The following NPY4R variants were observed in gnomAD, a reference collection of about 807,000 sequenced individuals.
NPY4R encodes neuropeptide Y receptor Y4.
A neutral mutation model predicts 11.9 loss-of-function variants in NPY4R; 2 were observed. The ratio of observed to expected loss-of-function variants is 0.17; its 90% confidence interval spans 0.07 to 0.53. The LOEUF (loss-of-function observed/expected upper bound fraction) is 0.53, where lower values mean the gene tolerates loss of function less well. NPY4R is among the 20% of genes least tolerant of loss of function. The probability of loss-of-function intolerance (pLI) is 0.94; values close to 1 mark genes in which losing one functional copy is unlikely to be tolerated. For synonymous variants in NPY4R, 8 were observed against 121.7 expected (o/e 0.07, Z 6.15); for missense variants, 26 against 280.2 (o/e 0.09, Z 6.48).
At chr10:46,464,381 A>AG (rs1840951272) in intron 1 of NPY4R, among the ~76,000 whole-genome samples, 1 of 109,712 alleles carries the variant, frequency 9.1e-6, no homozygotes, top group Admixed American at 8.4e-5. Flanking sequence ...AAAAAAAAAA[A>AG]AGAGTCTCAT....
intron 1 of NPY4R, among the ~76,000 whole-genome samples, chr10:46,464,120 G>A (rs1302079821): frequency 2.0e-5 from 3 of 151,336 alleles, no homozygotes; most frequent in Non-Finnish European, 4.4e-5. Context: ...GTCACTTGCT[G>A]TGCATCTGAT....
upstream of NPY4R, among the ~76,000 whole-genome samples, chr10:46,466,187 C>CT (rs1554991169): frequency 1.0e-4 from 1 of 9,986 alleles, no homozygotes; most frequent in Non-Finnish European, 2.2e-4. Context: ...TTCTCTCTTT[C>CT]TTTCTTTCTT....
upstream of NPY4R, among the ~76,000 whole-genome samples, chr10:46,466,255 C>CT (rs1426675586): frequency 1.5e-5 from 1 of 64,832 alleles, no homozygotes; most frequent in African/African-American, 1.0e-4. Flanking sequence ...TTCTTTCTTT[C>CT]TTTCTTTCCT....
upstream of NPY4R, among the ~76,000 whole-genome samples, chr10:46,466,121 G>C (rs1841012148): frequency 6.8e-6 from 1 of 147,552 alleles, no homozygotes; most frequent in South Asian, 2.1e-4. Flanking sequence ...CTGCCTGCGT[G>C]TGTCTCTCAC....
chr10:46,466,199 CTTTCT>C (rs1565142275), upstream of NPY4R, among the ~76,000 whole-genome samples: 105 of 58,934 alleles, frequency 1.8e-3, no homozygotes, highest in Non-Finnish European at 2.2e-3. Flanking sequence ...TTCTTTCTTT[CTTTCT>C]TTCTTTCTTT....
upstream of NPY4R, among the ~76,000 whole-genome samples, chr10:46,466,189 TTC>T (rs1419294982): frequency 0.058 from 773 of 13,376 alleles, 49 homozygotes; most frequent in Admixed American, 0.14. Flanking sequence ...CTCTCTTTCT[TTC>T]TTTCTTTCTT....
chr10:46,466,294 C>T (rs1332554236), upstream of NPY4R, among the ~76,000 whole-genome samples: 3 of 98,628 alleles, frequency 3.0e-5, no homozygotes, highest in African/African-American at 6.9e-5. Context: ...CTCTCTCTCT[C>T]TCTCTCTCCC....
rs1203013785 is a variant in NPY4R at position 46,463,769 on chromosome 10, CA to C, written c.-100del. 3.0e-5 allele frequency: 4 copies of C among 135,564 alleles called. No individual in the cohort carries two copies. The highest frequency in any genetic ancestry group is 9.0e-5 in the African/African-American group (3 of 33,384). The allele number at this position is 135,564 out of a possible 1,614,324, so 8.4% of individuals were successfully genotyped here. On this transcript the variant is annotated 5_prime_UTR_variant, in exon 2 of 3. Transcript: ENST00000374312. ...AGTCATTATTAATCCCACAGGGTTG[CA>C]GTTCTCAACCTTCAGTAAACATCAG...
chr10:46,466,249 T>TCC (rs1841035651), upstream of NPY4R, among the ~76,000 whole-genome samples: 1 of 67,774 alleles, frequency 1.5e-5, no homozygotes, highest in African/African-American at 7.8e-5. Flanking sequence ...CTTTCTTTCT[T>TCC]TCTTTCTTTC....
chr10:46,466,200 TTTC>T (rs1841022420), upstream of NPY4R, among the ~76,000 whole-genome samples: 3 of 20,144 alleles, frequency 1.5e-4, no homozygotes, highest in Admixed American at 4.4e-4. Flanking sequence ...TCTTTCTTTC[TTTC>T]TTTCTTTCTT....
At chr10:46,466,177 T>TTCTCTCTCTC (rs1377838026), upstream of NPY4R, among the ~76,000 whole-genome samples, 5 of 40,194 alleles carry the variant, frequency 1.2e-4, no homozygotes, top group East Asian at 3.0e-3. Context: ...TGCGCTGTCT[T>TTCTCTCTCTC]TCTCTCTTTC....
upstream of NPY4R, among the ~76,000 whole-genome samples, chr10:46,466,199 CTTTCTTTCTTTCT>C (rs1841022001): frequency 8.8e-4 from 52 of 59,040 alleles, no homozygotes; most frequent in South Asian, 1.1e-3. Flanking sequence ...TTCTTTCTTT[CTTTCTTTCTTTCT>C]TTCTTTCTTT....
At chr10:46,466,197 TTCTTTCTTTC>T (rs1841021540), upstream of NPY4R, among the ~76,000 whole-genome samples, 2 of 21,960 alleles carry the variant, frequency 9.1e-5, 1 homozygote, top group Non-Finnish European at 2.1e-4. Context: ...CTTTCTTTCT[TTCTTTCTTTC>T]TTTCTTTCTT....
chr10:46,466,243 C>CT (rs781942664), upstream of NPY4R, among the ~76,000 whole-genome samples: 4 of 69,290 alleles, frequency 5.8e-5, no homozygotes, highest in African/African-American at 3.4e-4. Flanking sequence ...TTCTTTCTTT[C>CT]TTTCTTTCTT....
chr10:46,466,177 T>TTCTCTCTC (rs1377838026), upstream of NPY4R, among the ~76,000 whole-genome samples: 9 of 40,168 alleles, frequency 2.2e-4, no homozygotes, highest in African/African-American at 6.0e-4. Flanking sequence ...TGCGCTGTCT[T>TTCTCTCTC]TCTCTCTTTC....
At chr10:46,466,183 C>CTCTT (rs1190917672), upstream of NPY4R, among the ~76,000 whole-genome samples, 32 of 93,916 alleles carry the variant, frequency 3.4e-4, 2 homozygotes, top group Admixed American at 8.4e-4. Flanking sequence ...GTCTTTCTCT[C>CTCTT]TTTCTTTCTT....
intron 1 of NPY4R, among the ~76,000 whole-genome samples, chr10:46,464,186 T>C (rs2133077541): frequency 6.6e-6 from 1 of 152,112 alleles, no homozygotes; most frequent in East Asian, 1.9e-4. Context: ...CTGGCCAACA[T>C]GGTGAAACCC....
chr10:46,466,381 CCTGT>C (rs1375661754), upstream of NPY4R, among the ~76,000 whole-genome samples: 4 of 110,108 alleles, frequency 3.6e-5, no homozygotes, highest in Admixed American at 9.5e-5. Context: ...TGTGCGTCTG[CCTGT>C]CTCTCTCTCT....
upstream of NPY4R, among the ~76,000 whole-genome samples, chr10:46,466,248 TTTC>T (rs1841035423): frequency 4.3e-3 from 307 of 71,974 alleles, 22 homozygotes; most frequent in African/African-American, 0.016. Flanking sequence ...TCTTTCTTTC[TTTC>T]TTTCTTTCTT....
Sources: gnomAD v4.1 joint callset for allele counts (sites outside exome capture counted in the v4.1 genomes callset) on GRCh38, gnomAD v4.1.1 for gene constraint, MANE v1.5 for transcripts, NCBI Gene and HGNC (gene_info 2026-07-23, HGNC 2026-07-21) for gene names.